The following SRFBP1 variants were observed in gnomAD, a reference collection of about 807,000 sequenced individuals.
The protein encoded by SRFBP1 is serum response factor binding protein 1.
A neutral mutation model predicts 45.5 loss-of-function variants in SRFBP1; 47 were observed. The ratio of observed to expected loss-of-function variants is 1.03; its 90% CI spans 0.82 to 1.32. The LOEUF (loss-of-function observed/expected upper bound fraction) is 1.32, where lower values mean the gene tolerates loss of function less well. Ranked by LOEUF, SRFBP1 falls within the 40% of genes most tolerant of loss-of-function variation. The probability of loss-of-function intolerance (pLI) is 0.00; values close to 1 mark genes in which losing one functional copy is unlikely to be tolerated. For synonymous variants in SRFBP1, 203 were observed against 166.3 expected (o/e 1.22, Z -1.70); for missense variants, 621 against 484.6 (o/e 1.28, Z -2.64).
intron 3 of SRFBP1, among the ~76,000 whole-genome samples, chr5:121,991,923 A>C (rs1752628965): frequency 6.6e-6 from 1 of 152,130 alleles, no homozygotes; most frequent in South Asian, 2.1e-4. Flanking sequence ...AAGCCATCCA[A>C]ATGCATCTAT....
chr5:122,033,805 T>C (rs1016467706), intron 2 of SRFBP1, among the ~76,000 whole-genome samples: 6 of 151,160 alleles, frequency 4.0e-5, no homozygotes, highest in African/African-American at 1.5e-4. Flanking sequence ...ACCTTAGATA[T>C]TCTTTTATTT....
At chr5:122,003,560 A>G (rs1752917787) in intron 4 of SRFBP1, among the ~76,000 whole-genome samples, 1 of 152,166 alleles carries the variant, frequency 6.6e-6, no homozygotes, top group Non-Finnish European at 1.5e-5. Flanking sequence ...TCCTTTGGAT[A>G]TATACCCATA....
At chr5:121,984,355 A>G (rs1359453226) in intron 3 of SRFBP1, among the ~76,000 whole-genome samples, 1 of 151,814 alleles carries the variant, frequency 6.6e-6, no homozygotes, top group Non-Finnish European at 1.5e-5. Context: ...TCATACATAC[A>G]GTACTTAGGT....
At position 121,982,639 on chromosome 5, in the gene SRFBP1, G is replaced by A. The variant is rs549588196; in HGVS notation, c.198+7252G>A. On this transcript the variant is annotated intron_variant, in intron 3 of 7. Transcript: ENST00000339397. The stretch of plus-strand genomic sequence containing the variant: ...AAAGAGCAAGTTGCAGGCCTTTGTT[G>A]GCAAAAGAGATGAAAATGCTATTAC... Among the ~76,000 whole-genome samples, 4 of 151,868 alleles carry A rather than the reference G, an allele frequency of 2.6e-5. No individual in the cohort carries two copies. In the East Asian group the frequency reaches 7.7e-4, roughly 29 times the overall value.
chr5:122,001,542 G>A (rs931898020), intron 4 of SRFBP1, among the ~76,000 whole-genome samples: 2 of 142,702 alleles, frequency 1.4e-5, no homozygotes, highest in Non-Finnish European at 3.0e-5. Context: ...TCATCCTTTG[G>A]TATCTTTTTT....
At chr5:122,008,285 G>C (rs72786960) in intron 4 of SRFBP1, among the ~76,000 whole-genome samples, 2 of 152,106 alleles carry the variant, frequency 1.3e-5, no homozygotes, top group Non-Finnish European at 1.5e-5. Flanking sequence ...ACAATTTGCT[G>C]TGTAGGCCTG....
chr5:122,021,668 CTTTTTTTTTTTT>C (rs912072262), intron 6 of SRFBP1, among the ~76,000 whole-genome samples: 1 of 96,954 alleles, frequency 1.0e-5, no homozygotes, highest in Non-Finnish European at 2.0e-5. Flanking sequence ...AAATATAAAT[CTTTTTTTTTTTT>C]TTTTTTTTTT....
intron 3 of SRFBP1, among the ~76,000 whole-genome samples, chr5:121,993,692 A>G (rs75455835): frequency 0.028 from 4,277 of 152,162 alleles, 215 homozygotes; most frequent in African/African-American, 0.097. Flanking sequence ...TTATTTACCA[A>G]TAGTTGTTTT....
intron 4 of SRFBP1, among the ~76,000 whole-genome samples, chr5:122,011,765 A>G (rs1753098710): frequency 6.6e-6 from 1 of 152,126 alleles, no homozygotes; most frequent in South Asian, 2.1e-4. Context: ...TGAGGAAGGA[A>G]GATGGGCAAG....
intron 4 of SRFBP1, among the ~76,000 whole-genome samples, chr5:122,013,465 T>C (rs1198103134): frequency 6.6e-6 from 1 of 152,100 alleles, no homozygotes; most frequent in Non-Finnish European, 1.5e-5. Flanking sequence ...GTTTGACTCA[T>C]GAAAATTTTA....
chr5:122,009,069 T>A (rs1753037014), intron 4 of SRFBP1, among the ~76,000 whole-genome samples: 1 of 152,210 alleles, frequency 6.6e-6, no homozygotes, highest in Admixed American at 6.5e-5. Flanking sequence ...ATATGAGAGT[T>A]CTAGTTAAAG....
intron 4 of SRFBP1, among the ~76,000 whole-genome samples, 186 bp downstream of exon 4, chr5:121,994,856 A>C (rs531400652): frequency 2.8e-4 from 43 of 152,190 alleles, no homozygotes; most frequent in South Asian, 6.2e-4. Context: ...TTTTGCTGTA[A>C]TATCATACCT....
At chr5:122,050,005 G>C (rs375613348) in intron 2 of SRFBP1, among the ~76,000 whole-genome samples, 3 of 151,978 alleles carry the variant, frequency 2.0e-5, no homozygotes, top group Admixed American at 6.6e-5. Context: ...AGATAATCAC[G>C]TGGTTATTAT....
chr5:122,047,318 G>T (rs1015228035), intron 2 of SRFBP1, among the ~76,000 whole-genome samples: 75 of 152,216 alleles, frequency 4.9e-4, no homozygotes, highest in African/African-American at 1.5e-3. Context: ...TTTCCCCATT[G>T]CTTGTTTTTG....
intron 1 of SRFBP1, among the ~76,000 whole-genome samples, chr5:121,969,252 A>T (rs1257928327): frequency 6.6e-6 from 1 of 152,218 alleles, no homozygotes; most frequent in African/African-American, 2.4e-5. Flanking sequence ...ATTGTAAAAC[A>T]CATTCTTTTC....
At chr5:122,045,322 T>G (rs1358931054) in intron 2 of SRFBP1, among the ~76,000 whole-genome samples, 5 of 152,226 alleles carry the variant, frequency 3.3e-5, no homozygotes, top group African/African-American at 1.2e-4. Flanking sequence ...TGTTTAAGAT[T>G]GCCTTGGCTG....
chr5:121,986,639 C>T (rs1317522139), intron 3 of SRFBP1, among the ~76,000 whole-genome samples: 1 of 151,986 alleles, frequency 6.6e-6, no homozygotes, highest in Non-Finnish European at 1.5e-5. Context: ...TTTAAGCCAG[C>T]CTACATAGCT....
intron 1 of SRFBP1, among the ~76,000 whole-genome samples, chr5:121,972,866 C>A (rs1752227691): frequency 6.6e-6 from 1 of 151,698 alleles, no homozygotes; most frequent in South Asian, 2.1e-4. Flanking sequence ...TAGATTAGGT[C>A]TTTAGAAAAT....
intron 1 of SRFBP1, among the ~76,000 whole-genome samples, chr5:121,969,341 A>T (rs564655602): frequency 1.3e-5 from 2 of 152,064 alleles, no homozygotes; most frequent in African/African-American, 2.4e-5. Flanking sequence ...TTGAGCTGTG[A>T]TGCATCTGTT....
Sources: allele counts gnomAD v4.1 joint callset (sites outside exome capture counted in the v4.1 genomes callset), GRCh38; gene constraint gnomAD v4.1.1; transcripts MANE v1.5; gene names NCBI Gene and HGNC (gene_info 2026-07-23, HGNC 2026-07-21).